The following PRPSAP2 variants were observed in gnomAD, a reference collection of about 807,000 sequenced individuals.
PRPSAP2 encodes phosphoribosyl pyrophosphate synthase-associated protein 2.
A neutral mutation model predicts 40.6 loss-of-function variants in PRPSAP2; 24 were observed. The observed-to-expected ratio is 0.59, with a 90% confidence interval of 0.43 to 0.83. The LOEUF (loss-of-function observed/expected upper bound fraction) is 0.83. Ranked by LOEUF, PRPSAP2 falls within the 40% of genes least tolerant of loss-of-function variation. The probability of loss-of-function intolerance (pLI) is 0.00; values close to 1 mark genes in which losing one functional copy is unlikely to be tolerated. For synonymous variants in PRPSAP2, 149 were observed against 164.7 expected (o/e 0.90, Z 0.73); for missense variants, 292 against 465.6 (o/e 0.63, Z 3.43).
At chr17:18,924,717 C>G (rs990532646) in intron 10 of PRPSAP2, among the ~76,000 whole-genome samples, 2 of 149,346 alleles carry the variant, frequency 1.3e-5, no homozygotes, top group African/African-American at 5.0e-5. Context: ...TGCAGTGAGC[C>G]GAGATCATGC....
chr17:18,881,188 AT>A (rs371658856), intron 6 of PRPSAP2, among the ~76,000 whole-genome samples: 13,167 of 129,588 alleles, frequency 0.1, 660 homozygotes, highest in African/African-American at 0.15. Flanking sequence ...AAAAAAAAAA[AT>A]TTTTTTTGAA....
Position 18,920,014 on chromosome 17 carries a change from G to A in PRPSAP2, c.734-3900G>A, listed in dbSNP as rs188081050. Among the ~76,000 whole-genome samples the A allele has an allele frequency of 1.6e-4, 25 of 152,284 alleles. No homozygotes were observed. In the East Asian group the frequency reaches 4.1e-3, roughly 25 times the overall value. ...CATTTCTCACAGCCTCACGTGCCCAGGCTGTTGGTGCTGGGGGGTAGGCCT... is the reference window on the plus strand; with the variant it reads ...CATTTCTCACAGCCTCACGTGCCCAAGCTGTTGGTGCTGGGGGGTAGGCCT... On this transcript the variant is annotated intron_variant, in intron 9 of 11. Transcript: ENST00000268835.
intron 5 of PRPSAP2, among the ~76,000 whole-genome samples, chr17:18,877,365 G>A (rs1032743936): frequency 6.6e-6 from 1 of 152,088 alleles, no homozygotes; most frequent in Non-Finnish European, 1.5e-5. Context: ...CCTTACATAG[G>A]TGTGCCATTT....
In PRPSAP2 at chr17:18,928,976, G is replaced by A; in HGVS notation, c.951+19G>A. 6.2e-7 allele frequency: 1 copy of A among 1,607,426 alleles called. No individual in the cohort carries two copies. The highest frequency in any genetic ancestry group is 8.5e-7 in the Non-Finnish European group (1 of 1,175,694). On this transcript the variant is annotated intron_variant, in intron 11 of 11. Coordinates refer to ENST00000268835, the MANE Select transcript of PRPSAP2 (RefSeq NM_002767.4). The stretch of plus-strand genomic sequence containing the variant: ...TGATGAGGTAACAGGGTCTGGGTGT[G>A]TGTGGGTACAGCTGCCTGGGCTTTT...
Position 18,881,189 on chromosome 17 carries a change from T to A in PRPSAP2, c.413-1379T>A, listed in dbSNP as rs11650208. 7.4e-3 allele frequency among the ~76,000 whole-genome samples: 929 copies of A among 125,892 alleles called. 5 individuals carry two copies. The highest frequency in any genetic ancestry group is 0.01 in the Non-Finnish European group (594 of 58,520). The allele number at this position is 125,892 out of a possible 152,430, so 82.6% of individuals were successfully genotyped here. A position where few individuals can be genotyped will look rare whatever the true frequency, so the allele number is the denominator to read the frequency against. On this transcript the variant is annotated intron_variant, in intron 6 of 11. Coordinates refer to ENST00000268835, the MANE Select transcript of PRPSAP2 (RefSeq NM_002767.4). ...TCTCACAGTACTAAAAAAAAAAAAA[T>A]TTTTTTTGAAAAATACAAGTGCTGA...
chr17:18,902,795 G>A (rs1275004688), intron 8 of PRPSAP2, among the ~76,000 whole-genome samples: 5 of 150,112 alleles, frequency 3.3e-5, no homozygotes, highest in Non-Finnish European at 7.4e-5. Context: ...CTTGAACCTG[G>A]GAGGCAGAGG....
intron 4 of PRPSAP2, among the ~76,000 whole-genome samples, chr17:18,870,725 C>G (rs967471398): frequency 2.0e-5 from 3 of 151,216 alleles, no homozygotes; most frequent in African/African-American, 7.3e-5. Flanking sequence ...AGGAAGATCA[C>G]TTGAGTCCGG....
intron 11 of PRPSAP2, 101 bp downstream of exon 11, chr17:18,929,058 C>T (rs2042119043): frequency 1.3e-6 from 2 of 1,485,062 alleles, no homozygotes; most frequent in Non-Finnish European, 1.8e-6. Context: ...TCTTTTGTGG[C>T]TGAGAAACGA....
intron 6 of PRPSAP2, among the ~76,000 whole-genome samples, chr17:18,881,842 ATT>A (rs368088976): frequency 4.3e-4 from 56 of 131,690 alleles, no homozygotes; most frequent in Admixed American, 7.7e-4. Flanking sequence ...CATGAGAGCA[ATT>A]TTTTTTTTTT....
chr17:18,916,298 C>T (rs957429471), intron 9 of PRPSAP2, among the ~76,000 whole-genome samples: 4 of 152,084 alleles, frequency 2.6e-5, no homozygotes, highest in African/African-American at 9.7e-5. Flanking sequence ...GTATTTAATA[C>T]AGCAGCAACT....
rs1459651906 is a variant in PRPSAP2, at chr17:18,890,006, G to C, written c.584+129G>C. 6.1e-6 allele frequency: 4 copies of C among 653,670 alleles called. No individual in the cohort carries two copies. In the African/African-American group the frequency reaches 7.5e-5, roughly 12 times the overall value. 40.5% of individuals were successfully genotyped at this position (653,670 alleles called of 1,614,324 possible). A position where few individuals can be genotyped will look rare whatever the true frequency, so the allele number is the denominator to read the frequency against. On this transcript the variant is annotated intron_variant, in intron 8 of 11. Transcript: ENST00000268835. ...TCTCTTATTTTTCTTCCATGGACTG[G>C]TATTTTAAGATTGTTCTGTCAACTC...
At chr17:18,897,484 G>A (rs758557189) in intron 8 of PRPSAP2, among the ~76,000 whole-genome samples, 6 of 77,636 alleles carry the variant, frequency 7.7e-5, no homozygotes, top group East Asian at 3.0e-4. Flanking sequence ...TTGTTTAGAC[G>A]GATTTTTATA....
At position 18,926,235 on chromosome 17, in the gene PRPSAP2, C is replaced by CATT. The variant is rs1183756909; in HGVS notation, c.804+2255_804+2257dup. Among the ~76,000 whole-genome samples the CATT allele has an allele frequency of 2.7e-4, 35 of 129,922 alleles. No individual in the cohort carries two copies. The Middle Eastern group carries it at 0.015, about 57-fold the overall frequency. 85.2% of individuals were successfully genotyped at this position (129,922 alleles called of 152,430 possible). A position where few individuals can be genotyped will look rare whatever the true frequency, so the allele number is the denominator to read the frequency against. ...CTTTCCCCCCGTTCTAGTGCCACTGCATTATTTATTTATTTATTTATTTAT... is the reference window on the plus strand; with the variant it reads ...CTTTCCCCCCGTTCTAGTGCCACTGCATTATTATTTATTTATTTATTTATTTAT... On this transcript the variant is annotated intron_variant, in intron 10 of 11. Transcript: ENST00000268835.
At chr17:18,903,731 C>CA (rs1229836474) in intron 8 of PRPSAP2, among the ~76,000 whole-genome samples, 2 of 152,042 alleles carry the variant, frequency 1.3e-5, no homozygotes, top group South Asian at 2.1e-4. Flanking sequence ...GACCCTGTCT[C>CA]AAAAAAACAA....
At chr17:18,908,002 G>A (rs1285590897) in intron 8 of PRPSAP2, among the ~76,000 whole-genome samples, 1 of 152,108 alleles carries the variant, frequency 6.6e-6, no homozygotes, top group African/African-American at 2.4e-5. Context: ...AGCCGAGCGT[G>A]GTGGCACACC....
chr17:18,929,891 T>G (rs887105431), intron 11 of PRPSAP2: 1 of 152,194 alleles, frequency 6.6e-6, no homozygotes, highest in African/African-American at 2.4e-5. Context: ...AACTGCCAGG[T>G]CATACAGTAA....
chr17:18,876,055 C>T (rs979846128), intron 5 of PRPSAP2, among the ~76,000 whole-genome samples: 4 of 152,104 alleles, frequency 2.6e-5, no homozygotes, highest in Non-Finnish European at 5.9e-5. Flanking sequence ...ATTGCTTGAT[C>T]CTGGGAGGCG....
At chr17:18,857,820 C>T (rs8066385), upstream of PRPSAP2, 54,662 of 152,242 alleles carry the variant, frequency 0.36, 9,948 homozygotes, top group Non-Finnish European at 0.39. Context: ...AATGACTTGT[C>T]CAAGGTTACA....
At position 18,911,064 on chromosome 17, in the gene PRPSAP2, T is replaced by C; in HGVS notation, c.585-39T>C. On this transcript the variant is annotated intron_variant, in intron 8 of 11. Coordinates refer to ENST00000268835, the MANE Select transcript of PRPSAP2 (RefSeq NM_002767.4). The surrounding 1 kb of genome is among the most constrained non-coding windows in gnomAD (Gnocchi z 4.5). ...CCTAGGCATTAGCAGAACCAAGGGC[T>C]GCATGAGTTTTGAGCTTGTGTCTGG... is the stretch of plus-strand genomic sequence containing the variant. 1 of 1,571,516 alleles carries C rather than the reference T, an allele frequency of 6.4e-7. No homozygotes were observed. Among genetic ancestry groups the C allele is most frequent in the Non-Finnish European group, 8.7e-7 (1 of 1,153,854 alleles).
Sources: allele counts gnomAD v4.1 joint callset (sites outside exome capture counted in the v4.1 genomes callset), GRCh38; gene constraint gnomAD v4.1.1; non-coding constraint Gnocchi (gnomAD v3.1); transcripts MANE v1.5; gene names NCBI Gene and HGNC (gene_info 2026-07-23, HGNC 2026-07-21).